The following MKLN1 variants were observed in gnomAD, a reference collection of about 807,000 sequenced individuals.
MKLN1 encodes muskelin 1.
Under a neutral mutation model 99.0 loss-of-function variants are expected in MKLN1, and 18 were observed. The ratio of observed to expected loss-of-function variants is 0.18; its 90% CI spans 0.13 to 0.27. The LOEUF (loss-of-function observed/expected upper bound fraction) is 0.27, where lower values mean the gene tolerates loss of function less well. Ranked by LOEUF, MKLN1 falls within the 10% of genes least tolerant of loss-of-function variation. MKLN1 has a pLI of 1.00. For synonymous variants in MKLN1, 288 were observed against 293.2 expected (o/e 0.98, Z 0.18); for missense variants, 621 against 875.9 (o/e 0.71, Z 3.67).
chr7:131,405,015 G>T (rs1794658519), intron 6 of MKLN1, among the ~76,000 whole-genome samples: 1 of 152,112 alleles, frequency 6.6e-6, no homozygotes, highest in Non-Finnish European at 1.5e-5. Flanking sequence ...TTACCTATCA[G>T]TTTAATTTCT....
At chr7:131,245,009 G>A (rs1797464310) in intron 3 of MKLN1, among the ~76,000 whole-genome samples, 1 of 152,094 alleles carries the variant, frequency 6.6e-6, no homozygotes, top group Admixed American at 6.5e-5. Flanking sequence ...TGTAAGAGGT[G>A]GACTAGAAGG....
chr7:131,418,675 A>G (rs1795099068), intron 8 of MKLN1, among the ~76,000 whole-genome samples: 1 of 152,062 alleles, frequency 6.6e-6, no homozygotes, highest in Non-Finnish European at 1.5e-5. Context: ...TCATGACATG[A>G]CTCTGTCTTT....
chr7:131,392,904 C>T (rs1194494037), intron 4 of MKLN1, among the ~76,000 whole-genome samples: 2 of 151,572 alleles, frequency 1.3e-5, no homozygotes, highest in Admixed American at 6.6e-5. Context: ...TGCGCCTGGC[C>T]TAATTTTTTT....
chr7:131,335,754 G>A (rs1056332504), intron 1 of MKLN1, among the ~76,000 whole-genome samples: 2 of 149,930 alleles, frequency 1.3e-5, no homozygotes, highest in African/African-American at 4.9e-5. Flanking sequence ...GGATTTGCTA[G>A]TTATCTTTCT....
chr7:131,382,710 A>G (rs548197450), intron 2 of MKLN1, among the ~76,000 whole-genome samples: 1 of 132,600 alleles, frequency 7.5e-6, no homozygotes, highest in East Asian at 2.5e-4. Context: ...ATGCTTAGCT[A>G]TAGATATTTT....
At chr7:131,148,626 A>G (rs1315020261) in intron 2 of MKLN1, among the ~76,000 whole-genome samples, 1 of 152,034 alleles carries the variant, frequency 6.6e-6, no homozygotes, top group Non-Finnish European at 1.5e-5. Context: ...ATTTAGAATT[A>G]GCCAGGCGTG....
chr7:131,263,890 G>A (rs1278143341), intron 3 of MKLN1, among the ~76,000 whole-genome samples: 1 of 152,096 alleles, frequency 6.6e-6, no homozygotes, highest in Non-Finnish European at 1.5e-5. Flanking sequence ...TTCAAGAAAT[G>A]GTTGTCCCCA....
intron 2 of MKLN1, among the ~76,000 whole-genome samples, chr7:131,153,113 T>C (rs2028360): frequency 2.0e-5 from 3 of 149,804 alleles, no homozygotes; most frequent in Non-Finnish European, 4.4e-5. Context: ...TCTCTTCTTT[T>C]GTGATGTTAC....
chr7:131,255,732 C>T (rs543466819), intron 3 of MKLN1, among the ~76,000 whole-genome samples: 2 of 151,884 alleles, frequency 1.3e-5, no homozygotes, highest in East Asian at 3.9e-4. Context: ...AGGTGTGTGC[C>T]ACCACATCTG....
chr7:131,172,473 G>A lies in MKLN1; in HGVS notation c.-297+29532G>A, dbSNP rs558499406. ...TGGGACTACAGGCACCCGCCACCAC[G>A]CCCGGCTAATTTTTTGTATTTTTAG... On this transcript the variant is annotated intron_variant, in intron 2 of 7. Coordinates refer to the MKLN1 transcript ENST00000416992. 3.7e-4 allele frequency among the ~76,000 whole-genome samples: 56 copies of A among 151,454 alleles called. 3 individuals are homozygous for A. In the South Asian group the frequency reaches 9.0e-3, roughly 24 times the overall value.
intron 17 of MKLN1, among the ~76,000 whole-genome samples, chr7:131,483,390 A>G (rs879752713): frequency 3.2e-4 from 49 of 152,356 alleles, no homozygotes; most frequent in Admixed American, 1.7e-3. Context: ...ACAGACATAG[A>G]TGCAGTTGGT....
chr7:131,370,904 T>G (rs754819658), intron 1 of MKLN1, among the ~76,000 whole-genome samples: 1 of 152,186 alleles, frequency 6.6e-6, no homozygotes, highest in Non-Finnish European at 1.5e-5. Flanking sequence ...TCAGGAGAGT[T>G]ACTTAGTTGG....
At chr7:131,164,777 G>C (rs1796100076) in intron 2 of MKLN1, among the ~76,000 whole-genome samples, 1 of 152,198 alleles carries the variant, frequency 6.6e-6, no homozygotes, top group Admixed American at 6.5e-5. Flanking sequence ...ATGGTATTGG[G>C]AAAGGGATAG....
At chr7:131,341,635 G>A (rs1417930470) in intron 1 of MKLN1, among the ~76,000 whole-genome samples, 1 of 152,238 alleles carries the variant, frequency 6.6e-6, no homozygotes, top group Non-Finnish European at 1.5e-5. Flanking sequence ...GTGCAAGGCA[G>A]TTTTTCCATG....
chr7:131,192,067 T>TAA (rs1796551883), intron 2 of MKLN1, among the ~76,000 whole-genome samples: 1 of 106,826 alleles, frequency 9.4e-6, no homozygotes, highest in African/African-American at 3.9e-5. Context: ...TATATATATA[T>TAA]TATATATATA....
At chr7:131,123,674 G>A (rs1215533223) in intron 1 of MKLN1, among the ~76,000 whole-genome samples, 2 of 152,108 alleles carry the variant, frequency 1.3e-5, no homozygotes, top group African/African-American at 4.8e-5. Flanking sequence ...TGTAATCCCA[G>A]CTACTTGGGA....
chr7:131,427,031 G>C (rs1795377891), intron 8 of MKLN1, among the ~76,000 whole-genome samples: 1 of 152,014 alleles, frequency 6.6e-6, no homozygotes, highest in African/African-American at 2.4e-5. Flanking sequence ...TATATCTGAA[G>C]GACTTGACAA....
At chr7:131,340,550 AT>A (rs1195958953) in intron 1 of MKLN1, among the ~76,000 whole-genome samples, 1 of 152,126 alleles carries the variant, frequency 6.6e-6, no homozygotes, top group Non-Finnish European at 1.5e-5. Flanking sequence ...AAGTGCTGGG[AT>A]TACAGGCGTG....
chr7:131,127,380 G>C (rs1028319278), intron 1 of MKLN1, among the ~76,000 whole-genome samples: 1 of 152,116 alleles, frequency 6.6e-6, no homozygotes, highest in Non-Finnish European at 1.5e-5. Flanking sequence ...ACACAGAGGA[G>C]AGTGGGCGAG....
Sources: allele counts gnomAD v4.1 joint callset (sites outside exome capture counted in the v4.1 genomes callset), GRCh38; gene constraint gnomAD v4.1.1; transcripts MANE v1.5; gene names NCBI Gene and HGNC (gene_info 2026-07-23, HGNC 2026-07-21).